The following MTSS1 variants were observed in gnomAD, a reference collection of about 807,000 sequenced individuals.
MTSS1 encodes the protein protein MTSS 1.
MTSS1 carries 18 observed loss-of-function variants against 79.0 expected under a neutral mutation model. The ratio of observed to expected loss-of-function variants is 0.23; its 90% confidence interval spans 0.16 to 0.34. MTSS1 has a LOEUF of 0.34. Ranked by LOEUF, MTSS1 falls within the 10% of genes least tolerant of loss-of-function variation. MTSS1 has a pLI of 1.00. For missense variants in MTSS1, 815 were observed against 986.2 expected (o/e 0.83, Z 2.33); for synonymous variants, 341 against 368.6 (o/e 0.93, Z 0.86).
intron 3 of MTSS1, among the ~76,000 whole-genome samples, chr8:124,657,780 C>T (rs1231014596): frequency 1.3e-5 from 2 of 152,196 alleles, no homozygotes; most frequent in Non-Finnish European, 2.9e-5. Flanking sequence ...CTCACATACC[C>T]ATTATTGGCC....
At chr8:124,699,501 T>C (rs746029157) in intron 3 of MTSS1, 25 bp downstream of exon 3, 1 of 1,611,590 alleles carries the variant, frequency 6.2e-7, no homozygotes, top group Non-Finnish European at 8.5e-7. Flanking sequence ...CAGTTAACAC[T>C]GGGAGTCAGC....
chr8:124,689,906 C>A (rs56114959), intron 3 of MTSS1, among the ~76,000 whole-genome samples: 1,916 of 152,004 alleles, frequency 0.013, 16 homozygotes, highest in Non-Finnish European at 0.022. Flanking sequence ...AAACAAAAAG[C>A]CAATCTATGG....
In MTSS1 at chr8:124,721,864, T is replaced by A. The variant is rs933006858; in HGVS notation, c.72+6020A>T. ...ATCTCCAAGCTCCCAGGGAACCCAA[T>A]GGACCCTGCTCTGTAACCACACGCA... On this transcript the variant is annotated intron_variant, in intron 1 of 13. Transcript: ENST00000518547. Among the ~76,000 whole-genome samples, 3 of 152,176 alleles carry A rather than the reference T, an allele frequency of 2.0e-5. No homozygotes were observed. In the South Asian group the frequency reaches 6.2e-4, roughly 31 times the overall value.
intron 3 of MTSS1, among the ~76,000 whole-genome samples, chr8:124,657,992 GA>G (rs1489171622): frequency 6.6e-6 from 1 of 152,148 alleles, no homozygotes; most frequent in Admixed American, 6.5e-5. Context: ...GCACTTATAA[GA>G]AAAGACATGA....
rs796967617 is a variant in MTSS1 at position 124,580,598 on chromosome 8, A to G, written c.460+4489T>C. ...GGCACACGGTGAGAAAGTGCAGGATACACAATTGACACAAAAAGGAAAATA... is the reference window on the plus strand; with the variant it reads ...GGCACACGGTGAGAAAGTGCAGGATGCACAATTGACACAAAAAGGAAAATA... On this transcript the variant is annotated intron_variant, in intron 6 of 13. Transcript: ENST00000518547. The G allele has an allele frequency of 5.2e-6, 8 of 1,534,994 alleles. No individual in the cohort carries two copies. The African/African-American group carries it at 1.1e-4, about 21-fold the overall frequency.
intron 3 of MTSS1, among the ~76,000 whole-genome samples, chr8:124,672,998 C>G (rs1302235263): frequency 2.6e-5 from 4 of 152,110 alleles, no homozygotes; most frequent in Non-Finnish European, 5.9e-5. Context: ...GCCCCAGGAA[C>G]TGAATCTTGC....
intron 3 of MTSS1, among the ~76,000 whole-genome samples, chr8:124,635,782 G>T (rs552629236): frequency 6.6e-6 from 1 of 152,040 alleles, no homozygotes; most frequent in South Asian, 2.1e-4. Flanking sequence ...TTTGTAGATG[G>T]AATCAACTAT....
rs1381999447 is a variant in MTSS1 at position 124,602,178 on chromosome 8, C to CATATATATATATATAT, written c.209-10944_209-10943insATATATATATATATAT. ...AAAAAAAAAAATCACAAATAAATCTCATATATATACATATATATATATATA... is the reference window on the plus strand; with the variant it reads ...AAAAAAAAAAATCACAAATAAATCTCATATATATATATATATATATATATACATATATATATATATA... On this transcript the variant is annotated intron_variant, in intron 3 of 13. Transcript: ENST00000518547. Among the ~76,000 whole-genome samples, 175 of 101,352 alleles carry CATATATATATATATAT rather than the reference C, an allele frequency of 1.7e-3. 1 individual carries two copies. The highest frequency in any genetic ancestry group is 7.0e-3 in the African/African-American group (151 of 21,458). The allele number at this position is 101,352 out of a possible 152,430, so 66.5% of individuals were successfully genotyped here. A position where few individuals can be genotyped will look rare whatever the true frequency, so the allele number is the denominator to read the frequency against.
At chr8:124,558,040 G>A (rs1824395497) in intron 10 of MTSS1, 165 bp from the exon 11 acceptor site, 2 of 595,326 alleles carry the variant, frequency 3.4e-6, no homozygotes, top group Non-Finnish European at 5.7e-6. Context: ...TGTGATGCAA[G>A]AGAAAAGAGC....
At chr8:124,583,811 T>G (rs10103773) in intron 6 of MTSS1, among the ~76,000 whole-genome samples, 49,074 of 152,104 alleles carry the variant, frequency 0.32, 9,406 homozygotes, top group Non-Finnish European at 0.44. Context: ...TCAGACTTCA[T>G]GGAATATGGT....
intron 6 of MTSS1, among the ~76,000 whole-genome samples, chr8:124,581,985 C>A (rs987806157): frequency 2.0e-5 from 3 of 152,134 alleles, no homozygotes; most frequent in African/African-American, 7.2e-5. Flanking sequence ...CTGTTCAGAG[C>A]CTGGGGTTAC....
intron 5 of MTSS1, among the ~76,000 whole-genome samples, chr8:124,586,950 C>T (rs145771543): frequency 2.6e-5 from 4 of 152,330 alleles, no homozygotes; most frequent in East Asian, 1.9e-4. Flanking sequence ...CTGCCTTCTC[C>T]TAATGGGCTC....
At chr8:124,700,847 A>G (rs1309728296) in intron 2 of MTSS1, among the ~76,000 whole-genome samples, 1 of 152,222 alleles carries the variant, frequency 6.6e-6, no homozygotes, top group Non-Finnish European at 1.5e-5. Flanking sequence ...TATTTCTTAT[A>G]TAACTCAGCC....
intron 6 of MTSS1, among the ~76,000 whole-genome samples, chr8:124,576,824 A>T (rs2132319312): frequency 6.6e-6 from 1 of 152,330 alleles, no homozygotes; most frequent in South Asian, 2.1e-4. Flanking sequence ...AAACCATATT[A>T]TGCAAGGAAT....
intron 3 of MTSS1, among the ~76,000 whole-genome samples, chr8:124,664,972 A>AT (rs922311421): frequency 1.3e-4 from 19 of 150,756 alleles, no homozygotes; most frequent in Admixed American, 2.6e-4. Context: ...AGTTGGCAGG[A>AT]TTTTTTTTTT....
chr8:124,675,935 T>G (rs1319923375), intron 3 of MTSS1, among the ~76,000 whole-genome samples: 1 of 152,236 alleles, frequency 6.6e-6, no homozygotes, highest in South Asian at 2.1e-4. Context: ...TCACGAATAA[T>G]GTTGCGGTAG....
intron 1 of MTSS1, among the ~76,000 whole-genome samples, chr8:124,722,809 T>G (rs1833139604): frequency 6.6e-6 from 1 of 152,152 alleles, no homozygotes; most frequent in African/African-American, 2.4e-5. Flanking sequence ...TGTGGGTTTT[T>G]GGGGTAAGTG....
At position 124,568,403 on chromosome 8, in the gene MTSS1, G is replaced by A. The variant is rs1279618322; in HGVS notation, c.594C>T (p.Phe198=). 3.7e-6 allele frequency: 6 copies of A among 1,613,936 alleles called. No individual in the cohort carries two copies. The highest frequency in any genetic ancestry group is 5.1e-6 in the Non-Finnish European group (6 of 1,179,918). Residue 198 remains phenylalanine (F), a synonymous_variant, in exon 7 of 14, where the codon TTC becomes TTT. Coordinates refer to ENST00000518547, the MANE Select transcript of MTSS1 (RefSeq NM_014751.6). ...CAATCACTGGCCGCAGCATAGAGAT[G>A]AAGGTACAGAATCGGCCACGTTCTT... ...LIEERGRFCT[F]ISMLRPVIEE...
chr8:124,662,787 G>T (rs79702058), intron 3 of MTSS1, among the ~76,000 whole-genome samples: 1 of 151,980 alleles, frequency 6.6e-6, no homozygotes, highest in African/African-American at 2.4e-5. Flanking sequence ...GCCCTCCCAC[G>T]GGTTAAATTT....
Sources: gnomAD v4.1 joint callset for allele counts (sites outside exome capture counted in the v4.1 genomes callset) on GRCh38, gnomAD v4.1.1 for gene constraint, MANE v1.5 for transcripts, NCBI Gene and HGNC (gene_info 2026-07-23, HGNC 2026-07-21) for gene names.